The following CDK6 variants were observed in gnomAD, a reference collection of about 807,000 sequenced individuals.
The protein encoded by CDK6 is cyclin dependent kinase 6, also known as cyclin-dependent kinase 6.
Under a neutral mutation model 37.1 loss-of-function variants are expected in CDK6, and 6 were observed. The observed-to-expected ratio is 0.16, with a 90% CI of 0.09 to 0.32. The LOEUF is 0.32. Ranked by LOEUF, CDK6 falls within the 10% of genes least tolerant of loss-of-function variation. CDK6 has a pLI of 1.00. For synonymous variants in CDK6, 160 were observed against 161.3 expected, an observed-to-expected ratio of 0.99 and a Z score of 0.06; for missense variants, 224 against 418.9, an observed-to-expected ratio of 0.53 and a Z score of 4.06.
intron 2 of CDK6, among the ~76,000 whole-genome samples, chr7:92,821,320 T>G (rs530812517): frequency 1.3e-5 from 2 of 152,196 alleles, no homozygotes; most frequent in East Asian, 3.9e-4. Flanking sequence ...CTACCAGTTT[T>G]TGAGTAATTT....
chr7:92,631,089 C>T (rs1234416252), intron 5 of CDK6, among the ~76,000 whole-genome samples: 1 of 152,124 alleles, frequency 6.6e-6, no homozygotes, highest in Non-Finnish European at 1.5e-5. Flanking sequence ...ACTGTGCCTT[C>T]CTGGGAGAGA....
chr7:92,643,993 A>G lies in CDK6; in HGVS notation c.648-20907T>C, dbSNP rs1168572397. On this transcript the variant is annotated intron_variant, in intron 5 of 7. Coordinates refer to ENST00000424848, the MANE Select transcript of CDK6 (RefSeq NM_001145306.2). ...AAAGAAATGGGCCCAGAGGGACCTAAGGAAACCAGGCCAAACTTGCTGTTC... is the reference window on the plus strand; with the variant it reads ...AAAGAAATGGGCCCAGAGGGACCTAGGGAAACCAGGCCAAACTTGCTGTTC... Among the ~76,000 whole-genome samples the G allele has an allele frequency of 2.0e-5, 3 of 152,206 alleles. No individual in the cohort carries two copies. The East Asian group carries it at 5.8e-4, about 29-fold the overall frequency.
chr7:92,794,821 C>A (rs569329779), intron 2 of CDK6, among the ~76,000 whole-genome samples: 1 of 152,188 alleles, frequency 6.6e-6, no homozygotes, highest in South Asian at 2.1e-4. Flanking sequence ...GAAGCCTGAA[C>A]CAAGTCTGAT....
At chr7:92,659,170 G>C (rs1796776394) in intron 5 of CDK6, among the ~76,000 whole-genome samples, 1 of 152,132 alleles carries the variant, frequency 6.6e-6, no homozygotes, top group South Asian at 2.1e-4. Context: ...AGTTGTCTCT[G>C]TTTCTTCTTT....
intron 3 of CDK6, among the ~76,000 whole-genome samples, chr7:92,752,713 A>T (rs1475349639): frequency 2.0e-5 from 3 of 152,204 alleles, no homozygotes; most frequent in Admixed American, 6.5e-5. Context: ...AAAGCAGTTC[A>T]TCATGATTGA....
At chr7:92,756,255 G>A (rs1218787284) in intron 3 of CDK6, among the ~76,000 whole-genome samples, 2 of 152,074 alleles carry the variant, frequency 1.3e-5, no homozygotes, top group Non-Finnish European at 2.9e-5. Flanking sequence ...AGGGGGAAAG[G>A]TGTAATGGGA....
chr7:92,631,363 G>A (rs563032520), intron 5 of CDK6, among the ~76,000 whole-genome samples: 129 of 152,252 alleles, frequency 8.5e-4, no homozygotes, highest in East Asian at 5.8e-4. Flanking sequence ...AAAAAATTAA[G>A]TTCTTTGTTA....
At chr7:92,764,223 G>C (rs1194229840) in intron 3 of CDK6, among the ~76,000 whole-genome samples, 1 of 151,162 alleles carries the variant, frequency 6.6e-6, no homozygotes, top group East Asian at 1.9e-4. Flanking sequence ...GCTGCAACCT[G>C]AATCTCCCAG....
In CDK6 at chr7:92,784,481, T is replaced by C. The variant is rs76955598; in HGVS notation, c.234-9650A>G. 5.9e-5 allele frequency among the ~76,000 whole-genome samples: 9 copies of C among 152,326 alleles called. No homozygotes were observed. In the East Asian group the frequency reaches 1.7e-3, roughly 29 times the overall value. ...CAGGAACAGGGCACTGTTTACCTCT[T>C]GAGGTCTCCACCTAGACATGATGAA... On this transcript the variant is annotated intron_variant, in intron 2 of 7. Coordinates refer to ENST00000424848, the MANE Select transcript of CDK6 (RefSeq NM_001145306.2).
At chr7:92,825,485 C>CA (rs1801287361) in intron 2 of CDK6, among the ~76,000 whole-genome samples, 2 of 151,772 alleles carry the variant, frequency 1.3e-5, no homozygotes, top group African/African-American at 4.8e-5. Flanking sequence ...CACACACACA[C>CA]CCCAACCATA....
intron 5 of CDK6, among the ~76,000 whole-genome samples, chr7:92,663,881 C>T (rs1187932683): frequency 6.6e-6 from 1 of 152,062 alleles, no homozygotes; most frequent in Non-Finnish European, 1.5e-5. Flanking sequence ...CAGCCAGGCA[C>T]GGTGGCTCAC....
intron 5 of CDK6, among the ~76,000 whole-genome samples, chr7:92,644,267 T>C (rs1334430994): frequency 6.6e-6 from 1 of 152,226 alleles, no homozygotes; most frequent in Non-Finnish European, 1.5e-5. Context: ...TTCTTTGCTA[T>C]AATTAACTGC....
intron 5 of CDK6, among the ~76,000 whole-genome samples, chr7:92,634,691 G>A (rs550132139): frequency 6.6e-6 from 1 of 152,096 alleles, no homozygotes; most frequent in South Asian, 2.1e-4. Flanking sequence ...CTATATCTAG[G>A]AAAGTCATTT....
chr7:92,721,876 T>A (rs1287369960), intron 4 of CDK6, among the ~76,000 whole-genome samples: 1 of 152,166 alleles, frequency 6.6e-6, no homozygotes, highest in Non-Finnish European at 1.5e-5. Flanking sequence ...GATCATAATA[T>A]AAAGGGTTAT....
intron 4 of CDK6, among the ~76,000 whole-genome samples, chr7:92,701,289 T>C (rs575961178): frequency 6.6e-6 from 1 of 152,336 alleles, no homozygotes; most frequent in African/African-American, 2.4e-5. Context: ...TTTGCAAGTA[T>C]ATGTTGTAGA....
intron 5 of CDK6, among the ~76,000 whole-genome samples, chr7:92,628,567 C>T (rs1795982429): frequency 6.6e-6 from 1 of 152,010 alleles, no homozygotes; most frequent in Admixed American, 6.6e-5. Context: ...GGCTTTCTGT[C>T]CCTTCTTTTC....
At chr7:92,735,668 G>A (rs1798767656) in intron 3 of CDK6, among the ~76,000 whole-genome samples, 1 of 152,144 alleles carries the variant, frequency 6.6e-6, no homozygotes, top group African/African-American at 2.4e-5. Context: ...AATCGAACAA[G>A]GCACGTTATA....
chr7:92,803,516 G>A (rs938150459), intron 2 of CDK6, among the ~76,000 whole-genome samples: 6 of 152,218 alleles, frequency 3.9e-5, no homozygotes, highest in African/African-American at 1.4e-4. Flanking sequence ...GCTGGTTGGA[G>A]AGAGCAAGCA....
At chr7:92,805,778 C>T (rs1800710256) in intron 2 of CDK6, among the ~76,000 whole-genome samples, 1 of 152,178 alleles carries the variant, frequency 6.6e-6, no homozygotes, top group Non-Finnish European at 1.5e-5. Flanking sequence ...TCCCCCCGTA[C>T]AATAAAATCC....
Sources: allele counts gnomAD v4.1 joint callset (sites outside exome capture counted in the v4.1 genomes callset), GRCh38; gene constraint gnomAD v4.1.1; transcripts MANE v1.5; gene names NCBI Gene and HGNC (gene_info 2026-07-23, HGNC 2026-07-21).